The following NDUFAF5 variants were observed in gnomAD, a reference collection of about 807,000 sequenced individuals.
NDUFAF5 encodes the protein NADH:ubiquinone oxidoreductase complex assembly factor 5, also known as arginine-hydroxylase NDUFAF5, mitochondrial.
Under a neutral mutation model 48.9 loss-of-function variants are expected in NDUFAF5, and 34 were observed. That is an observed-to-expected ratio of 0.70 (90% CI 0.53 to 0.93). The LOEUF (loss-of-function observed/expected upper bound fraction) is 0.93. Among genes scored for constraint, NDUFAF5 ranks in the 40% least tolerant of loss-of-function variants. The pLI is 0.00. For missense variants in NDUFAF5, 428 were observed against 427.5 expected (o/e 1.00, Z -0.01); for synonymous variants, 153 against 150.6 (o/e 1.02, Z -0.12).
chr20:13,816,563 C>CT lies in NDUFAF5; in HGVS notation c.862+20dup, dbSNP rs1568787066. The CT allele has an allele frequency of 1.3e-6, 2 of 1,598,774 alleles. No homozygotes were observed. Among genetic ancestry groups the CT allele is most frequent in the Admixed American group, 1.7e-5 (1 of 59,944 alleles). On this transcript the variant is annotated intron_variant, in intron 9 of 10. Transcript: ENST00000378106. ...TGTACAGAGGTAAGGGGCGACCACTCTTTCACCCGCCTCACCAAGGCACTT... is the reference window on the plus strand; with the variant it reads ...TGTACAGAGGTAAGGGGCGACCACTCTTTTCACCCGCCTCACCAAGGCACTT...
rs555336987 is a variant in NDUFAF5, at chr20:13,818,083, A to G, written c.*873A>G. ...TGCCCTAGCCTCATCTTCAGCCTTC[A>G]GTGATCTATAATAGCATTTCCTTCT... On this transcript the variant is annotated 3_prime_UTR_variant, in exon 11 of 11. Transcript: ENST00000378106. 1 of 454,106 alleles carries G rather than the reference A, an allele frequency of 2.2e-6. No individual in the cohort carries two copies. The highest frequency in any genetic ancestry group is 2.0e-5 in the African/African-American group (1 of 50,122). The allele number at this position is 454,106 out of a possible 1,614,324, so 28.1% of individuals were successfully genotyped here. A position where few individuals can be genotyped will look rare whatever the true frequency, so the allele number is the denominator to read the frequency against.
chr20:13,791,869 A>G (rs920007438), intron 3 of NDUFAF5, among the ~76,000 whole-genome samples: 4 of 152,214 alleles, frequency 2.6e-5, no homozygotes, highest in Non-Finnish European at 5.9e-5. Flanking sequence ...TGAATATGCT[A>G]CACCCAAGGG....
intron 8 of NDUFAF5, among the ~76,000 whole-genome samples, chr20:13,814,992 T>C (rs188735069): frequency 1.3e-5 from 2 of 152,312 alleles, no homozygotes; most frequent in Admixed American, 6.5e-5. Flanking sequence ...TGAATTTCTG[T>C]ATGGCTGATG....
chr20:13,820,707 A>G lies in NDUFAF5; in HGVS notation c.*3497A>G, dbSNP rs1233906667. The G allele has an allele frequency of 2.0e-5, 3 of 152,112 alleles. No homozygotes were observed. The highest frequency in any genetic ancestry group is 7.2e-5 in the African/African-American group (3 of 41,412). 9.4% of individuals were successfully genotyped at this position (152,112 alleles called of 1,614,324 possible). On this transcript the variant is annotated 3_prime_UTR_variant, in exon 11 of 11. Coordinates refer to ENST00000378106, the MANE Select transcript of NDUFAF5 (RefSeq NM_024120.5). ...CTCGTCTCAAAAAAGAAAAAAAAAA[A>G]GTACAATTTTTGTATTGATTATGTA...
chr20:13,807,262 G>C (rs1044855081), intron 7 of NDUFAF5, among the ~76,000 whole-genome samples: 4 of 151,956 alleles, frequency 2.6e-5, no homozygotes, highest in Non-Finnish European at 2.9e-5. Context: ...TAGCCAGAAT[G>C]GTCTCGATCT....
chr20:13,818,803 G>A lies in NDUFAF5; in HGVS notation c.*1593G>A, dbSNP rs1036130837. The stretch of plus-strand genomic sequence containing the variant: ...GTGTTAAGTGGCTGTTGCTGAGGAA[G>A]GGGACTGAGGAACTGGGTGTGTCTG... On this transcript the variant is annotated 3_prime_UTR_variant, in exon 11 of 11. Coordinates refer to ENST00000378106, the MANE Select transcript of NDUFAF5 (RefSeq NM_024120.5). 6.4e-6 allele frequency: 1 copy of A among 155,102 alleles called. No individual in the cohort carries two copies. Among genetic ancestry groups the A allele is most frequent in the Non-Finnish European group, 1.4e-5 (1 of 70,012 alleles). 9.6% of individuals were successfully genotyped at this position (155,102 alleles called of 1,614,324 possible).
rs1378129786 is a variant in NDUFAF5 at position 13,817,511 on chromosome 20, G to A, written c.*301G>A. The A allele has an allele frequency of 1.2e-5, 6 of 509,756 alleles. No homozygotes were observed. Among genetic ancestry groups the A allele is most frequent in the Non-Finnish European group, 2.3e-5 (6 of 264,502 alleles). 31.6% of individuals were successfully genotyped at this position (509,756 alleles called of 1,614,324 possible). Reference sequence around the variant, plus strand: ...AAATGCCTTGGAAAATATTACTCATGCTGACCTTTTACACCTTTTTCATTT... The same window carrying A: ...AAATGCCTTGGAAAATATTACTCATACTGACCTTTTACACCTTTTTCATTT... On this transcript the variant is annotated 3_prime_UTR_variant, in exon 11 of 11. Transcript: ENST00000378106.
At chr20:13,794,789 T>G in intron 4 of NDUFAF5, 49 bp from the exon 5 acceptor site, 230 of 1,096,520 alleles carry the variant, frequency 2.1e-4, no homozygotes, top group Non-Finnish European at 3.0e-4. Context: ...TGTTAGTAAT[T>G]GAGATTCTAC....
At chr20:13,805,128 G>A (rs766967456) in intron 7 of NDUFAF5, among the ~76,000 whole-genome samples, 6 of 152,144 alleles carry the variant, frequency 3.9e-5, no homozygotes, top group Non-Finnish European at 8.8e-5. Context: ...GGAATGTAAA[G>A]CCTCTAAAAA....
intron 6 of NDUFAF5, among the ~76,000 whole-genome samples, chr20:13,799,542 T>TA (rs1383684184): frequency 6.6e-6 from 1 of 151,828 alleles, no homozygotes; most frequent in Non-Finnish European, 1.5e-5. Context: ...CTACTAAAAA[T>TA]ACAAAAATTA....
chr20:13,817,995 G>T lies in NDUFAF5; in HGVS notation c.*785G>T, dbSNP rs1413105221. 4.4e-6 allele frequency: 2 copies of T among 454,168 alleles called. No homozygotes were observed. The highest frequency in any genetic ancestry group is 4.4e-6 in the Non-Finnish European group (1 of 226,798). 28.1% of individuals were successfully genotyped at this position (454,168 alleles called of 1,614,324 possible). On this transcript the variant is annotated 3_prime_UTR_variant, in exon 11 of 11. Transcript: ENST00000378106. ...GGAGAAGGCTGAGAAGCAAGCAGGAGTGAGCGCTAAGTGTTTTGTTTCCAG... is the reference window on the plus strand; with the variant it reads ...GGAGAAGGCTGAGAAGCAAGCAGGATTGAGCGCTAAGTGTTTTGTTTCCAG...
intron 7 of NDUFAF5, among the ~76,000 whole-genome samples, chr20:13,802,671 CAA>C (rs11472201): frequency 3.9e-5 from 4 of 102,876 alleles, no homozygotes; most frequent in South Asian, 3.8e-4. Context: ...ATTCCCGTCT[CAA>C]AAAAAAAAAA....
In NDUFAF5 at chr20:13,798,468, TG is replaced by T. The variant is rs1983594444; in HGVS notation, c.490del (p.Val164Ter). On this transcript the variant is annotated frameshift_variant, in exon 6 of 11. Transcript: ENST00000378106. LOFTEE classifies it high-confidence loss of function. Reference sequence around the variant, plus strand: ...TGTATTCTCATATTTTAGTTTGCATTGGGTGAATGACCTTCCTAGAGCACTT... The same window carrying T: ...TGTATTCTCATATTTTAGTTTGCATTGGTGAATGACCTTCCTAGAGCACTT... The part of the protein sequence containing the change: ...DLVVSSLSLH[W>X]VNDLPRALEQ... 1 of 1,610,688 alleles carries T rather than the reference TG, an allele frequency of 6.2e-7. No homozygotes were observed. Among genetic ancestry groups the T allele is most frequent in the African/African-American group, 1.3e-5 (1 of 74,866 alleles).
chr20:13,817,033 G>A (rs972266329), intron 10 of NDUFAF5, 76 bp downstream of exon 10: 2 of 1,526,280 alleles, frequency 1.3e-6, no homozygotes, highest in African/African-American at 2.7e-5. Flanking sequence ...GGGGGAAGGG[G>A]TAATGTAAGA....
At chr20:13,792,605 G>A (rs1474726599) in intron 3 of NDUFAF5, among the ~76,000 whole-genome samples, 6 of 152,226 alleles carry the variant, frequency 3.9e-5, no homozygotes, top group Admixed American at 3.9e-4. Context: ...GTTGTAAGGT[G>A]GAGGAAGGAG....
At position 13,819,097 on chromosome 20, in the gene NDUFAF5, T is replaced by G. The variant is rs1411057170; in HGVS notation, c.*1887T>G. Reference sequence around the variant, plus strand: ...ACCCTTATTGTTTAATGTGAGTGATTGTAGTGAAAACACTTATTTTAGTGT... The same window carrying G: ...ACCCTTATTGTTTAATGTGAGTGATGGTAGTGAAAACACTTATTTTAGTGT... On this transcript the variant is annotated 3_prime_UTR_variant, in exon 11 of 11. Transcript: ENST00000378106. 5 of 152,244 alleles carry G rather than the reference T, an allele frequency of 3.3e-5. No individual in the cohort carries two copies. The highest frequency in any genetic ancestry group is 7.3e-5 in the Non-Finnish European group (5 of 68,054). The allele number at this position is 152,244 out of a possible 1,614,324, so 9.4% of individuals were successfully genotyped here.
At chr20:13,816,726 C>G (rs1318657213) in intron 9 of NDUFAF5, 149 bp from the exon 10 acceptor site, 2 of 753,788 alleles carry the variant, frequency 2.7e-6, no homozygotes, top group African/African-American at 3.5e-5. Flanking sequence ...TTTCCTTACC[C>G]TCAGTATTAA....
intron 1 of NDUFAF5, among the ~76,000 whole-genome samples, chr20:13,786,328 T>C (rs1316329038): frequency 2.6e-5 from 4 of 152,208 alleles, no homozygotes; most frequent in Non-Finnish European, 5.9e-5. Context: ...TACCAATAAA[T>C]TTTTTGTGTC....
At chr20:13,809,454 G>A (rs6033827) in intron 8 of NDUFAF5, among the ~76,000 whole-genome samples, 23,331 of 152,186 alleles carry the variant, frequency 0.15, 2,265 homozygotes, top group East Asian at 0.42. Flanking sequence ...TCTGAGGCAA[G>A]GAGAACAGCA....
Sources: allele counts gnomAD v4.1 joint callset (sites outside exome capture counted in the v4.1 genomes callset), GRCh38; gene constraint gnomAD v4.1.1; transcripts MANE v1.5; gene names NCBI Gene and HGNC (gene_info 2026-07-23, HGNC 2026-07-21).